The following CNTN6 variants were observed in gnomAD, a reference collection of about 807,000 sequenced individuals.
CNTN6 encodes contactin-6.
A neutral mutation model predicts 122.8 loss-of-function variants in CNTN6; 137 were observed. The observed-to-expected ratio is 1.12, with a 90% confidence interval of 0.97 to 1.29. CNTN6 has a LOEUF of 1.29. Ranked by LOEUF, CNTN6 falls within the 50% of genes most tolerant of loss-of-function variation. The pLI, the probability that CNTN6 is intolerant of heterozygous loss-of-function variation, is 0.00. For missense variants in CNTN6, 1,634 were observed against 1,223.4 expected, an observed-to-expected ratio of 1.34 and a Z score of -5.01; for synonymous variants, 570 against 426.0, an observed-to-expected ratio of 1.34 and a Z score of -4.16.
chr3:1,160,229 C>G (rs2093093110), intron 2 of CNTN6, among the ~76,000 whole-genome samples: 1 of 151,596 alleles, frequency 6.6e-6, no homozygotes, highest in African/African-American at 2.4e-5. Context: ...CCCATGTAAG[C>G]AGCACACAAA....
intron 17 of CNTN6, among the ~76,000 whole-genome samples, chr3:1,379,937 A>T (rs1710417526): frequency 6.6e-6 from 1 of 152,206 alleles, no homozygotes; most frequent in Non-Finnish European, 1.5e-5. Context: ...GAACTCTATT[A>T]GGTAGCTTCT....
intron 4 of CNTN6, among the ~76,000 whole-genome samples, chr3:1,266,871 C>T (rs1347077350): frequency 6.6e-6 from 1 of 151,916 alleles, no homozygotes; most frequent in Non-Finnish European, 1.5e-5. Flanking sequence ...TGCTGATGAC[C>T]TGGCCCAGGA....
chr3:1,294,045 C>G (rs1280053444), intron 5 of CNTN6, among the ~76,000 whole-genome samples: 1 of 152,086 alleles, frequency 6.6e-6, no homozygotes, highest in Non-Finnish European at 1.5e-5. Flanking sequence ...TTAAAAAATT[C>G]TTTTGTCATT....
chr3:1,186,862 G>C (rs933727563), intron 2 of CNTN6, among the ~76,000 whole-genome samples: 1 of 151,100 alleles, frequency 6.6e-6, no homozygotes, highest in Admixed American at 6.6e-5. Flanking sequence ...AAAGAGGTAA[G>C]ATAAACTGCC....
intron 20 of CNTN6, among the ~76,000 whole-genome samples, chr3:1,386,189 T>A (rs1458844652): frequency 6.6e-6 from 1 of 152,052 alleles, no homozygotes. Flanking sequence ...TTTTCATAGG[T>A]TTTGTTCAAG....
chr3:1,295,377 G>C lies in CNTN6; in HGVS notation c.455-224G>C, dbSNP rs114308314. Among the ~76,000 whole-genome samples, 1,159 of 152,138 alleles carry C rather than the reference G, an allele frequency of 7.6e-3. 8 individuals are homozygous for C. Among genetic ancestry groups the C allele is most frequent in the Non-Finnish European group, 0.011 (741 of 68,000 alleles). ...ATTGTTATATCCTTAATCCCAAAAA[G>C]TCAATGATGGGGAAAGTGCCCACAT... On this transcript the variant is annotated intron_variant, in intron 5 of 22. Transcript: ENST00000446702.
At chr3:1,136,098 A>T (rs1023129992) in intron 1 of CNTN6, among the ~76,000 whole-genome samples, 6 of 152,186 alleles carry the variant, frequency 3.9e-5, no homozygotes, top group Non-Finnish European at 8.8e-5. Flanking sequence ...AGACAGAGAA[A>T]ATTTAATAAG....
chr3:1,181,688 C>G (rs1014450525), intron 2 of CNTN6, among the ~76,000 whole-genome samples: 1 of 152,086 alleles, frequency 6.6e-6, no homozygotes, highest in Non-Finnish European at 1.5e-5. Flanking sequence ...GTGCCCTGCA[C>G]ATAGGGTTTA....
intron 4 of CNTN6, among the ~76,000 whole-genome samples, chr3:1,255,913 G>C (rs905672383): frequency 1.3e-5 from 2 of 151,934 alleles, no homozygotes; most frequent in African/African-American, 2.4e-5. Flanking sequence ...TGTCATCCAG[G>C]CTTGAGTACA....
At chr3:1,171,069 C>T (rs974926088) in intron 2 of CNTN6, among the ~76,000 whole-genome samples, 2 of 152,172 alleles carry the variant, frequency 1.3e-5, no homozygotes, top group Non-Finnish European at 2.9e-5. Context: ...CCATTGGCAA[C>T]CAAATTGTGC....
chr3:1,097,098 T>A (rs1382123989), intron 1 of CNTN6, among the ~76,000 whole-genome samples: 2 of 152,224 alleles, frequency 1.3e-5, no homozygotes, highest in Non-Finnish European at 2.9e-5. Flanking sequence ...ACTGAGTTCA[T>A]CTGCATGATG....
intron 1 of CNTN6, among the ~76,000 whole-genome samples, chr3:1,117,279 C>T (rs1343335329): frequency 6.6e-6 from 1 of 151,952 alleles, no homozygotes; most frequent in Admixed American, 6.6e-5. Context: ...TTGGTGTTTA[C>T]CAGGTGGACC....
At chr3:1,254,584 TAAAAC>T (rs1003713091) in intron 4 of CNTN6, among the ~76,000 whole-genome samples, 12 of 152,148 alleles carry the variant, frequency 7.9e-5, no homozygotes, top group East Asian at 3.9e-4. Context: ...ACAGTGCTGA[TAAAAC>T]AAACACATCC....
chr3:1,363,985 A>T (rs554012760), intron 12 of CNTN6, among the ~76,000 whole-genome samples: 1 of 151,960 alleles, frequency 6.6e-6, no homozygotes, highest in Non-Finnish European at 1.5e-5. Flanking sequence ...CATGGTTTAG[A>T]TTTGCATTTG....
At chr3:1,267,531 C>T (rs1288041839) in intron 4 of CNTN6, among the ~76,000 whole-genome samples, 1 of 152,106 alleles carries the variant, frequency 6.6e-6, no homozygotes, top group Admixed American at 6.5e-5. Flanking sequence ...CACGGTACAC[C>T]TCTATAGCTC....
At chr3:1,156,287 A>G (rs1208288020) in intron 2 of CNTN6, among the ~76,000 whole-genome samples, 1 of 152,210 alleles carries the variant, frequency 6.6e-6, no homozygotes, top group Non-Finnish European at 1.5e-5. Context: ...CCAGTAACAT[A>G]TTCTTCCATT....
intron 2 of CNTN6, among the ~76,000 whole-genome samples, chr3:1,160,241 C>G (rs996283879): frequency 2.0e-5 from 3 of 151,482 alleles, no homozygotes; most frequent in Non-Finnish European, 4.4e-5. Flanking sequence ...GCACACAAAT[C>G]AAGATGCAAC....
chr3:1,200,873 C>T (rs909053366), intron 2 of CNTN6, among the ~76,000 whole-genome samples: 1 of 151,960 alleles, frequency 6.6e-6, no homozygotes, highest in African/African-American at 2.4e-5. Context: ...AGGGCATATG[C>T]ATTTACTTAC....
At chr3:1,111,793 G>C (rs2091492352) in intron 1 of CNTN6, among the ~76,000 whole-genome samples, 1 of 152,068 alleles carries the variant, frequency 6.6e-6, no homozygotes, top group South Asian at 2.1e-4. Flanking sequence ...GTGTAGAACA[G>C]GAAATGAGGC....
Sources: gnomAD v4.1 joint callset for allele counts (sites outside exome capture counted in the v4.1 genomes callset) on GRCh38, gnomAD v4.1.1 for gene constraint, MANE v1.5 for transcripts, NCBI Gene and HGNC (gene_info 2026-07-23, HGNC 2026-07-21) for gene names.